The following PDE10A variants were observed in gnomAD, a reference collection of about 807,000 sequenced individuals.
PDE10A encodes the protein phosphodiesterase 10A, also known as cAMP and cAMP-inhibited cGMP 3',5'-cyclic phosphodiesterase 10A.
Under a neutral mutation model 97.7 loss-of-function variants are expected in PDE10A, and 39 were observed. That is an observed-to-expected ratio of 0.40 (90% CI 0.31 to 0.52). The LOEUF is 0.52. PDE10A is among the 20% of genes least tolerant of loss of function. PDE10A has a pLI of 0.56. For synonymous variants in PDE10A, 371 were observed against 376.8 expected (o/e 0.98, Z 0.18); for missense variants, 731 against 1,047.8 (o/e 0.70, Z 4.17).
chr6:165,515,189 A>G (rs946573742), intron 2 of PDE10A, among the ~76,000 whole-genome samples: 3 of 152,180 alleles, frequency 2.0e-5, no homozygotes, highest in African/African-American at 4.8e-5. Context: ...ACAGCCCATG[A>G]CATTTGTACT....
chr6:165,705,514 T>G (rs1470605810), intron 1 of PDE10A, among the ~76,000 whole-genome samples: 1 of 152,244 alleles, frequency 6.6e-6, no homozygotes, highest in African/African-American at 2.4e-5. Flanking sequence ...GCAGAGCAGG[T>G]CTTCACAAAA....
In PDE10A at chr6:165,718,798, A is replaced by G. The variant is rs111432620; in HGVS notation, c.-614-175230T>C. Among the ~76,000 whole-genome samples the G allele has an allele frequency of 7.2e-3, 1,095 of 152,360 alleles. 11 individuals are homozygous for G. Among genetic ancestry groups the G allele is most frequent in the African/African-American group, 0.025 (1,027 of 41,590 alleles). ...TTTAGTGCCTTGCTCTTACATAGGAAAGAATGGCTAAGGATAACAAGATAA... is the reference window on the plus strand; with the variant it reads ...TTTAGTGCCTTGCTCTTACATAGGAGAGAATGGCTAAGGATAACAAGATAA... On this transcript the variant is annotated intron_variant, in intron 1 of 19. Transcript: ENST00000366882.
intron 1 of PDE10A, among the ~76,000 whole-genome samples, chr6:165,646,985 C>T (rs928671462): frequency 1.3e-5 from 2 of 152,132 alleles, no homozygotes; most frequent in Admixed American, 1.3e-4. Context: ...GCAAACCAGA[C>T]GTAGAGGCTG....
chr6:165,533,957 CT>C (rs1782931183), intron 2 of PDE10A, among the ~76,000 whole-genome samples: 1 of 151,882 alleles, frequency 6.6e-6, no homozygotes, highest in African/African-American at 2.4e-5. Flanking sequence ...GCTGTGGATC[CT>C]TGGTCAAAAG....
intron 13 of PDE10A, among the ~76,000 whole-genome samples, chr6:165,399,184 C>T (rs904738770): frequency 5.9e-5 from 9 of 152,228 alleles, no homozygotes; most frequent in Non-Finnish European, 7.4e-5. Flanking sequence ...AAGCAAACAA[C>T]GACAGAACTG....
rs557228995 is a variant in PDE10A, at chr6:165,657,060, C to A, written c.865+4887G>T. On this transcript the variant is annotated intron_variant, in intron 1 of 21. Transcript: ENST00000539869. ...TTGGCTTTCATCTTTGAATTTCCAA[C>A]ACAAGTATTTGAGTACCTTCTCTAT... Among the ~76,000 whole-genome samples the A allele has an allele frequency of 7.2e-5, 11 of 152,330 alleles. No homozygotes were observed. In the South Asian group the frequency reaches 2.3e-3, roughly 32 times the overall value.
At chr6:165,973,919 A>T (rs1200175253) in intron 1 of PDE10A, among the ~76,000 whole-genome samples, 1 of 152,242 alleles carries the variant, frequency 6.6e-6, no homozygotes, top group Non-Finnish European at 1.5e-5. Context: ...ATTTTGCATA[A>T]AAATTACCCA....
In PDE10A at chr6:165,399,884, A is replaced by G. The variant is rs187022176; in HGVS notation, c.2077-3425T>C. On this transcript the variant is annotated intron_variant, in intron 13 of 21. Transcript: ENST00000539869. ...TATTGTTAATAGTGCCGCAATAAACATACATGTGCATGTGTCTTTATAGCA... is the reference window on the plus strand; with the variant it reads ...TATTGTTAATAGTGCCGCAATAAACGTACATGTGCATGTGTCTTTATAGCA... Among the ~76,000 whole-genome samples the G allele has an allele frequency of 8.5e-5, 13 of 152,352 alleles. No individual in the cohort carries two copies. In the East Asian group the frequency reaches 2.5e-3, roughly 29 times the overall value.
At chr6:165,617,390 G>A (rs549191467) in intron 1 of PDE10A, among the ~76,000 whole-genome samples, 1 of 152,320 alleles carries the variant, frequency 6.6e-6, no homozygotes, top group Admixed American at 6.5e-5. Context: ...TGTCACCCAG[G>A]CTGGAGTGCA....
At chr6:165,749,232 C>T (rs28382294) in intron 1 of PDE10A, among the ~76,000 whole-genome samples, 1 of 143,086 alleles carries the variant, frequency 7.0e-6, no homozygotes, top group East Asian at 2.1e-4. Context: ...ATATCACCAT[C>T]ACCACCATCA....
chr6:165,974,487 G>A (rs561294635), intron 1 of PDE10A, among the ~76,000 whole-genome samples: 25 of 152,290 alleles, frequency 1.6e-4, no homozygotes, highest in Admixed American at 3.9e-4. Flanking sequence ...AAATTCACAA[G>A]GGCCTCCAAG....
At chr6:165,503,024 C>T (rs968888050) in intron 2 of PDE10A, among the ~76,000 whole-genome samples, 1 of 152,146 alleles carries the variant, frequency 6.6e-6, no homozygotes, top group African/African-American at 2.4e-5. Flanking sequence ...GCTGATTAAA[C>T]AAAGAAACAA....
chr6:165,954,096 A>G (rs1165462415), intron 1 of PDE10A, among the ~76,000 whole-genome samples: 2 of 152,278 alleles, frequency 1.3e-5, no homozygotes, highest in Non-Finnish European at 1.5e-5. Flanking sequence ...TTTCTTTGTA[A>G]TGCTGGATAA....
chr6:165,572,910 T>C (rs1041245114), intron 1 of PDE10A, among the ~76,000 whole-genome samples: 1 of 152,240 alleles, frequency 6.6e-6, no homozygotes, highest in Non-Finnish European at 1.5e-5. Context: ...GAGTGCTAAT[T>C]GTAATTCACA....
At chr6:165,531,236 T>G (rs1207022784) in intron 2 of PDE10A, among the ~76,000 whole-genome samples, 1 of 151,950 alleles carries the variant, frequency 6.6e-6, no homozygotes, top group Non-Finnish European at 1.5e-5. Flanking sequence ...ATGGTCTAAT[T>G]GGTTGCTTAC....
At chr6:165,761,081 G>T (rs894659867) in intron 1 of PDE10A, among the ~76,000 whole-genome samples, 1 of 152,182 alleles carries the variant, frequency 6.6e-6, no homozygotes, top group Non-Finnish European at 1.5e-5. Context: ...CCGTTCCCGG[G>T]TGGTAACCTG....
intron 17 of PDE10A, among the ~76,000 whole-genome samples, chr6:165,381,631 A>ATTTTTTTTTT (rs547827126): frequency 6.7e-4 from 79 of 118,662 alleles, no homozygotes; most frequent in Non-Finnish European, 8.9e-4. Flanking sequence ...CACCTGGCTA[A>ATTTTTTTTTT]TTTTTTTTTT....
Position 165,434,445 on chromosome 6 carries a change from A to G in PDE10A, c.1335+792T>C, listed in dbSNP as rs190466264. Among the ~76,000 whole-genome samples, 450 of 152,292 alleles carry G rather than the reference A, an allele frequency of 3.0e-3. 3 individuals carry two copies. The highest frequency in any genetic ancestry group is 0.01 in the African/African-American group (429 of 41,572). ...TTGTTACCTTTGAAGTCTATATTCC[A>G]TGTCATAAAATTTCATTAAAATGTC... On this transcript the variant is annotated intron_variant, in intron 6 of 21. Transcript: ENST00000539869.
chr6:165,419,561 A>G (rs1224195476), intron 10 of PDE10A, among the ~76,000 whole-genome samples: 1 of 152,200 alleles, frequency 6.6e-6, no homozygotes, highest in Non-Finnish European at 1.5e-5. Flanking sequence ...CTTTTATAAC[A>G]AATATGCTTT....
Sources: gnomAD v4.1 joint callset for allele counts (sites outside exome capture counted in the v4.1 genomes callset) on GRCh38, gnomAD v4.1.1 for gene constraint, MANE v1.5 for transcripts, NCBI Gene and HGNC (gene_info 2026-07-23, HGNC 2026-07-21) for gene names.